The following MGRN1 variants were observed in gnomAD, a reference collection of about 807,000 sequenced individuals.
The protein encoded by MGRN1 is mahogunin ring finger 1, also known as E3 ubiquitin-protein ligase MGRN1.
Under a neutral mutation model 69.2 loss-of-function variants are expected in MGRN1, and 29 were observed. The observed-to-expected ratio is 0.42, with a 90% confidence interval of 0.31 to 0.57. The LOEUF is 0.57. MGRN1 is among the 20% of genes least tolerant of loss of function. MGRN1 has a pLI of 0.15. For synonymous variants in MGRN1, 470 were observed against 344.2 expected (o/e 1.37, Z -4.04); for missense variants, 998 against 796.2 (o/e 1.25, Z -3.05).
chr16:4,637,146 G>C (rs1310512125), intron 1 of MGRN1, among the ~76,000 whole-genome samples: 1 of 147,050 alleles, frequency 6.8e-6, no homozygotes, highest in Non-Finnish European at 1.5e-5. Flanking sequence ...AAAAAATTGA[G>C]TGGCCAGGTT....
chr16:4,648,449 G>C (rs990025884), intron 1 of MGRN1, among the ~76,000 whole-genome samples: 1 of 113,908 alleles, frequency 8.8e-6, no homozygotes, highest in Non-Finnish European at 1.7e-5. Flanking sequence ...TCCTCCTCTC[G>C]GGGACTCTTC....
chr16:4,668,384 C>A, intron 8 of MGRN1, 72 bp downstream of exon 8: 1 of 1,488,040 alleles, frequency 6.7e-7, no homozygotes, highest in African/African-American at 1.4e-5. Context: ...CACGCATACT[C>A]ATACATAGAC....
rs1482505542 is a variant in MGRN1, at chr16:4,650,444, G to T, written c.168G>T (p.Glu56Asp). The change falls in exon 2 of 17, where the codon GAG (glutamate) becomes GAT (aspartate). Residue 56 changes from glutamate to aspartate, a missense_variant. Glu to Asp is a conservative substitution (Grantham distance 45). Transcript: ENST00000262370. The stretch of plus-strand genomic sequence containing the variant: ...ACCCTGAAGGTTACCTCTTTGGAGA[G>T]AACATGGATCTGAACTTCCTGGGCA... ...TPHPEGYLFG[E>D]NMDLNFLGSR... 6.2e-7 allele frequency: 1 copy of T among 1,614,046 alleles called. No individual in the cohort carries two copies. The highest frequency in any genetic ancestry group is 8.5e-7 in the Non-Finnish European group (1 of 1,179,956).
intron 1 of MGRN1, among the ~76,000 whole-genome samples, chr16:4,637,181 G>A (rs1898344564): frequency 6.7e-6 from 1 of 149,370 alleles, no homozygotes; most frequent in Non-Finnish European, 1.5e-5. Context: ...TGTAATTCTA[G>A]CACTTTGGGA....
chr16:4,646,974 G>A (rs990442620), intron 1 of MGRN1, among the ~76,000 whole-genome samples: 2 of 152,156 alleles, frequency 1.3e-5, no homozygotes, highest in African/African-American at 2.4e-5. Context: ...AAGGCTGCCC[G>A]GCCTTCTGGA....
Position 4,652,810 on chromosome 16 carries a change from G to A in MGRN1, c.429G>A (p.Leu143=). The part of the protein sequence containing the change: ...TIYCQASEEF[L]NGRAVYSPKS... ...ACTGCCAGGCATCGGAGGAGTTCCT[G>A]AACGGCAGGGCAGTGTGAGTCCCGC... The change falls in exon 4 of 17, where the codon CTG becomes CTA. Residue 143 remains leucine, a synonymous_variant. Coordinates refer to ENST00000262370, the MANE Select transcript of MGRN1 (RefSeq NM_015246.4). 1 of 1,609,216 alleles carries A rather than the reference G, an allele frequency of 6.2e-7. No individual in the cohort carries two copies. The highest frequency in any genetic ancestry group is 8.5e-7 in the Non-Finnish European group (1 of 1,177,768).
Position 4,668,262 on chromosome 16 carries a change from C to T in MGRN1, c.679-3C>T, listed in dbSNP as rs768096801. 4.3e-6 allele frequency: 7 copies of T among 1,613,924 alleles called. No homozygotes were observed. The highest frequency in any genetic ancestry group is 5.9e-6 in the Non-Finnish European group (7 of 1,179,888). ...TTAACCTCTTTGTCTTTCTCCCCTGCAGCACATGGACGGCAGCTTCTCTGT... is the reference window on the plus strand; with the variant it reads ...TTAACCTCTTTGTCTTTCTCCCCTGTAGCACATGGACGGCAGCTTCTCTGT... On this transcript the variant is annotated splice_region_variant and splice_polypyrimidine_tract_variant and intron_variant, in intron 7 of 16. Coordinates refer to ENST00000262370, the MANE Select transcript of MGRN1 (RefSeq NM_015246.4).
intron 1 of MGRN1, among the ~76,000 whole-genome samples, chr16:4,645,094 GTTAT>G (rs1375506700): frequency 7.6e-6 from 1 of 130,768 alleles, no homozygotes; most frequent in Admixed American, 9.8e-5. Flanking sequence ...TTTCTCTGAA[GTTAT>G]TTATATGTAT....
At chr16:4,645,081 TTG>T (rs1368148745) in intron 1 of MGRN1, among the ~76,000 whole-genome samples, 19 of 151,770 alleles carry the variant, frequency 1.3e-4, no homozygotes, top group African/African-American at 4.4e-4. Context: ...TTTGTAGCAT[TTG>T]TTTCTCTGAA....
chr16:4,670,330 C>A (rs182323952), intron 8 of MGRN1, among the ~76,000 whole-genome samples: 2 of 152,310 alleles, frequency 1.3e-5, no homozygotes, highest in Admixed American at 1.3e-4. Context: ...GTAGCCTCCA[C>A]CTCCTGGGTT....
intron 1 of MGRN1, among the ~76,000 whole-genome samples, chr16:4,630,978 C>A (rs1474590254): frequency 1.3e-5 from 2 of 151,890 alleles, no homozygotes; most frequent in Admixed American, 1.3e-4. Flanking sequence ...ACCACTATGC[C>A]CAGCAAAGTT....
At chr16:4,627,401 A>G (rs146155623) in intron 1 of MGRN1, among the ~76,000 whole-genome samples, 2 of 152,164 alleles carry the variant, frequency 1.3e-5, no homozygotes, top group East Asian at 3.9e-4. Flanking sequence ...TATCTGTTTT[A>G]CTCTTCATAG....
At chr16:4,639,371 C>T (rs936081448) in intron 1 of MGRN1, among the ~76,000 whole-genome samples, 8 of 151,842 alleles carry the variant, frequency 5.3e-5, no homozygotes, top group Admixed American at 2.6e-4. Flanking sequence ...TAGCCCAGGC[C>T]GGGAAGGTGG....
chr16:4,689,220 C>T lies in MGRN1; in HGVS notation c.*312C>T, dbSNP rs865915043. The stretch of plus-strand genomic sequence containing the variant: ...GCTGGGGCTGCCCACGTGTGGCCTC[C>T]GCTGGCTCTGCCTGCTCCTGCAACA... On this transcript the variant is annotated 3_prime_UTR_variant, in exon 17 of 17. Transcript: ENST00000262370. 23 of 311,760 alleles carry T rather than the reference C, an allele frequency of 7.4e-5. No homozygotes were observed. In the South Asian group the frequency reaches 8.9e-4, roughly 12 times the overall value. 19.3% of individuals were successfully genotyped at this position (311,760 alleles called of 1,614,324 possible).
In MGRN1 at chr16:4,646,207, G is replaced by C. The variant is rs533796077; in HGVS notation, c.89-4158G>C. On this transcript the variant is annotated intron_variant, in intron 1 of 16. Transcript: ENST00000262370. Reference sequence around the variant, plus strand: ...GCACTTTGGGAGGCAAAGGTGGGAGGATTGCTTGTGCCCAGCAGTTTGAGA... The same window carrying C: ...GCACTTTGGGAGGCAAAGGTGGGAGCATTGCTTGTGCCCAGCAGTTTGAGA... Among the ~76,000 whole-genome samples, 3 of 152,278 alleles carry C rather than the reference G, an allele frequency of 2.0e-5. No homozygotes were observed. In the South Asian group the frequency reaches 6.2e-4, roughly 32 times the overall value.
At chr16:4,665,552 A>G (rs1477580339) in intron 7 of MGRN1, among the ~76,000 whole-genome samples, 2 of 151,628 alleles carry the variant, frequency 1.3e-5, no homozygotes, top group Non-Finnish European at 2.9e-5. Context: ...TATGTTTAGT[A>G]GAAACAGCGT....
At chr16:4,645,672 T>C (rs2068473820) in intron 1 of MGRN1, among the ~76,000 whole-genome samples, 1 of 151,974 alleles carries the variant, frequency 6.6e-6, no homozygotes, top group Admixed American at 6.6e-5. Context: ...CAGCCTGAGG[T>C]AGAGCTGGAG....
intron 1 of MGRN1, among the ~76,000 whole-genome samples, chr16:4,629,865 G>A (rs187734240): frequency 6.6e-6 from 1 of 151,958 alleles, no homozygotes; most frequent in East Asian, 1.9e-4. Flanking sequence ...GGCCAACAAG[G>A]TGAAACCTCG....
At chr16:4,679,920 G>A in intron 11 of MGRN1, 112 bp from the exon 12 acceptor site, 1 of 1,025,238 alleles carries the variant, frequency 9.8e-7, no homozygotes, top group Non-Finnish European at 1.5e-6. Context: ...CCGGAAGCTT[G>A]TGAAGTTCTG....
Sources: gnomAD v4.1 joint callset for allele counts (sites outside exome capture counted in the v4.1 genomes callset) on GRCh38, gnomAD v4.1.1 for gene constraint, MANE v1.5 for transcripts, NCBI Gene and HGNC (gene_info 2026-07-23, HGNC 2026-07-21) for gene names.